Variants in TEX264 observed in about 807,000 individuals in gnomAD.
The protein encoded by TEX264 is testis expressed 264, ER-phagy receptor.
In TEX264, 13 loss-of-function variants were observed where a neutral mutation model predicts 23.4. The ratio of observed to expected loss-of-function variants is 0.56; its 90% confidence interval spans 0.36 to 0.88. The LOEUF (loss-of-function observed/expected upper bound fraction) is 0.88, where lower values mean the gene tolerates loss of function less well. TEX264 is among the 40% of genes least tolerant of loss of function. TEX264 has a pLI of 0.01. For missense variants in TEX264, 340 were observed against 406.8 expected (o/e 0.84, Z 1.41); for synonymous variants, 159 against 170.0 (o/e 0.94, Z 0.50).
chr3:51,673,922 C>T (rs967197349), intron 1 of TEX264, among the ~76,000 whole-genome samples: 9 of 152,110 alleles, frequency 5.9e-5, no homozygotes, highest in Non-Finnish European at 1.2e-4. Flanking sequence ...GTATCTGGTA[C>T]ATCTTCGGGG....
chr3:51,690,956 C>T (rs1193986822), intron 3 of TEX264, among the ~76,000 whole-genome samples: 1 of 152,270 alleles, frequency 6.6e-6, no homozygotes, highest in Non-Finnish European at 1.5e-5. Context: ...CCTTTTGCCA[C>T]TCCATCCTGT....
chr3:51,698,198 T>C (rs1486934539), intron 3 of TEX264, among the ~76,000 whole-genome samples: 4 of 151,984 alleles, frequency 2.6e-5, no homozygotes, highest in African/African-American at 9.7e-5. Flanking sequence ...CTTTTAACCC[T>C]TCTTTGCTAG....
intron 3 of TEX264, among the ~76,000 whole-genome samples, chr3:51,698,917 G>A (rs1468347852): frequency 6.6e-6 from 1 of 152,182 alleles, no homozygotes; most frequent in Non-Finnish European, 1.5e-5. Context: ...AGGACTGGGG[G>A]TGCTGGTCTT....
At chr3:51,676,985 C>T (rs1223494978) in intron 2 of TEX264, among the ~76,000 whole-genome samples, 2 of 152,208 alleles carry the variant, frequency 1.3e-5, no homozygotes, top group Admixed American at 6.5e-5. Flanking sequence ...CTCAGGGACA[C>T]TTGGGTCCCC....
At chr3:51,702,502 C>T (rs1390374423) in intron 4 of TEX264, among the ~76,000 whole-genome samples, 1 of 152,180 alleles carries the variant, frequency 6.6e-6, no homozygotes, top group Admixed American at 6.5e-5. Context: ...CCTAATTCTC[C>T]CACCCCCAAC....
intron 3 of TEX264, among the ~76,000 whole-genome samples, chr3:51,694,034 CCTTCCTT>C (rs1702938709): frequency 7.3e-6 from 1 of 137,260 alleles, no homozygotes; most frequent in Non-Finnish European, 1.5e-5. Flanking sequence ...TTCCTTCCTT[CCTTCCTT>C]CCTTCCTCCC....
At chr3:51,702,185 C>T (rs950900173) in intron 4 of TEX264, among the ~76,000 whole-genome samples, 2 of 152,156 alleles carry the variant, frequency 1.3e-5, no homozygotes, top group African/African-American at 4.8e-5. Context: ...TGTCTCCCTC[C>T]TTTGCTCTTT....
intron 2 of TEX264, 137 bp from the exon 3 acceptor site, chr3:51,684,276 G>A: frequency 1.4e-6 from 1 of 734,842 alleles, no homozygotes; most frequent in Non-Finnish European, 2.2e-6. Flanking sequence ...AGCTAGCTGT[G>A]TCCTGGTATC....
intron 3 of TEX264, among the ~76,000 whole-genome samples, chr3:51,685,855 G>A (rs140922812): frequency 2.0e-5 from 3 of 152,352 alleles, no homozygotes; most frequent in Non-Finnish European, 4.4e-5. Flanking sequence ...CTGTGGACAA[G>A]GATGGAGATT....
chr3:51,687,605 G>A (rs1702669326), intron 3 of TEX264, among the ~76,000 whole-genome samples: 1 of 152,210 alleles, frequency 6.6e-6, no homozygotes, highest in Admixed American at 6.5e-5. Flanking sequence ...CTCTTCAAAT[G>A]GAATGACAGC....
At chr3:51,697,473 C>A (rs1414877155) in intron 3 of TEX264, among the ~76,000 whole-genome samples, 1 of 152,230 alleles carries the variant, frequency 6.6e-6, no homozygotes, top group Admixed American at 6.5e-5. Flanking sequence ...GTCTGCTGCT[C>A]TTGTGATGGC....
In TEX264 at chr3:51,699,528, A is replaced by G. The variant is rs1476993936; in HGVS notation, c.603A>G (p.Lys201=). The G allele has an allele frequency of 6.2e-7, 1 of 1,614,058 alleles. No individual in the cohort carries two copies. The highest frequency in any genetic ancestry group is 1.7e-5 in the Admixed American group (1 of 60,008). ...YVPEMKETEW[K]WRGLVEAIDT... ...CTGAGATGAAGGAGACAGAGTGGAA[A>G]TGGCGGGGGCTTGTGGAGGCCATTG... The change falls in exon 4 of 5, where the codon AAA becomes AAG. Residue 201 remains lysine, a synonymous_variant. Transcript: ENST00000341333.
At chr3:51,696,231 T>G (rs954581503) in intron 3 of TEX264, among the ~76,000 whole-genome samples, 2 of 152,256 alleles carry the variant, frequency 1.3e-5, no homozygotes, top group Admixed American at 1.3e-4. Context: ...CTGCTGGCTG[T>G]CTGGGCTGTG....
At chr3:51,687,052 C>T (rs1176233159) in intron 3 of TEX264, among the ~76,000 whole-genome samples, 1 of 152,210 alleles carries the variant, frequency 6.6e-6, no homozygotes, top group Non-Finnish European at 1.5e-5. Context: ...CCTCCCCGCT[C>T]CCATGGGAGC....
Position 51,674,390 on chromosome 3 carries a change from G to T in TEX264, c.86G>T (p.Gly29Val). The T allele has an allele frequency of 6.2e-7, 1 of 1,614,222 alleles. No homozygotes were observed. The change falls in exon 2 of 5, where the codon GGG becomes GTG. Residue 29 changes from glycine (G) to valine (V), a missense_variant. Transcript: ENST00000341333. ...CTGCTGGCCTTTGCCGGGTACTCAG[G>T]GCTACTGGCTGGGGTGGAAGTGAGT... Reference protein sequence around the residue: ...LTLLAFAGYSGLLAGVEVSAG... With the variant: ...LTLLAFAGYSVLLAGVEVSAG...
chr3:51,673,380 G>A (rs911405122), intron 1 of TEX264, among the ~76,000 whole-genome samples: 1 of 152,194 alleles, frequency 6.6e-6, no homozygotes, highest in African/African-American at 2.4e-5. Flanking sequence ...AGCCTGCCTT[G>A]AATAGCTCAC....
intron 2 of TEX264, chr3:51,683,836 C>T (rs73834274): frequency 0.019 from 2,868 of 154,560 alleles, 103 homozygotes; most frequent in African/African-American, 0.066. Flanking sequence ...AGGGCATGAC[C>T]GTGGAGGGCT....
At chr3:51,702,458 T>TG (rs1033328514) in intron 4 of TEX264, among the ~76,000 whole-genome samples, 1 of 152,126 alleles carries the variant, frequency 6.6e-6, no homozygotes, top group African/African-American at 2.4e-5. Context: ...GAGTGGGTGG[T>TG]GGGGGTAGGG....
chr3:51,699,700 G>A, intron 4 of TEX264, 126 bp downstream of exon 4: 1 of 1,157,730 alleles, frequency 8.6e-7, no homozygotes, highest in Non-Finnish European at 1.2e-6. Context: ...ATGCTTGGCA[G>A]AGGGAGGAAG....
Sources: allele counts gnomAD v4.1 joint callset (sites outside exome capture counted in the v4.1 genomes callset), GRCh38; gene constraint gnomAD v4.1.1; transcripts MANE v1.5; gene names NCBI Gene and HGNC (gene_info 2026-07-23, HGNC 2026-07-21).